Variants in COL4A4 observed in about 807,000 individuals in gnomAD.
The protein encoded by COL4A4 is collagen alpha-4(IV) chain.
A neutral mutation model predicts 192.9 loss-of-function variants in COL4A4; 105 were observed. That is an observed-to-expected ratio of 0.54 (90% CI 0.46 to 0.64). The LOEUF (loss-of-function observed/expected upper bound fraction) is 0.64. Among genes scored for constraint, COL4A4 ranks in the 30% least tolerant of loss-of-function variants. The pLI, the probability that COL4A4 is intolerant of heterozygous loss-of-function variation, is 0.00. For missense variants in COL4A4, 1,967 were observed against 2,169.3 expected (o/e 0.91, Z 1.85); for synonymous variants, 762 against 769.9 (o/e 0.99, Z 0.17).
chr2:227,010,667 A>G (rs1399900807), intron 45 of COL4A4, among the ~76,000 whole-genome samples, 166 bp from the exon 46 acceptor site: 1 of 152,248 alleles, frequency 6.6e-6, no homozygotes, highest in African/African-American at 2.4e-5. Context: ...CAGCTGCAGT[A>G]CATAGAACAA....
At chr2:227,027,638 A>T (rs1051473564) in intron 42 of COL4A4, among the ~76,000 whole-genome samples, 14 of 149,606 alleles carry the variant, frequency 9.4e-5, no homozygotes, top group East Asian at 5.8e-4. Context: ...TATAATAAAA[A>T]ATATATATAT....
chr2:227,031,361 A>T (rs1475537091), intron 40 of COL4A4, among the ~76,000 whole-genome samples: 1 of 152,150 alleles, frequency 6.6e-6, no homozygotes, highest in African/African-American at 2.4e-5. Flanking sequence ...ATTTAGCAAG[A>T]TATCACACGG....
Position 227,032,181 on chromosome 2 carries a change from G to T in COL4A4, c.3673C>A (p.Pro1225Thr), listed in dbSNP as rs1968572554. 1 of 1,614,048 alleles carries T rather than the reference G, an allele frequency of 6.2e-7. No individual in the cohort carries two copies. Among genetic ancestry groups the T allele is most frequent in the Admixed American group, 1.7e-5 (1 of 60,004 alleles). The stretch of plus-strand genomic sequence containing the variant: ...CCTGGGGGACCTTTCTTTCCACGAG[G>T]ACCTGGAGGAGAGATTCCTGGGCTC... ...PGSPGISPPG[P>T]RGKKGPPGPP... Residue 1225 changes from proline (P) to threonine (T), a missense_variant, in exon 39 of 48, where the codon CCT becomes ACT. Physicochemically the swap from Pro to Thr is conservative, Grantham distance 38. Transcript: ENST00000396625.
rs942249883 is a variant in COL4A4, at chr2:227,002,765, G to A, written c.*4560C>T. 5.9e-5 allele frequency: 9 copies of A among 152,610 alleles called. No individual in the cohort carries two copies. Among genetic ancestry groups the A allele is most frequent in the East Asian group, 1.9e-4 (1 of 5,206 alleles). 9.5% of individuals were successfully genotyped at this position (152,610 alleles called of 1,614,324 possible). On this transcript the variant is annotated 3_prime_UTR_variant, in exon 48 of 48. Transcript: ENST00000396625. ...TATATAATGAACCATATTATAAATC[G>A]TAATACAACAAATATTTAAGTGCCA... is the stretch of plus-strand genomic sequence containing the variant.
At chr2:227,036,966 T>C (rs543321041) in intron 37 of COL4A4, among the ~76,000 whole-genome samples, 24 of 152,330 alleles carry the variant, frequency 1.6e-4, no homozygotes, top group African/African-American at 5.3e-4. Context: ...GTTCTTGTCA[T>C]GCTACAGGTA....
At chr2:227,098,873 G>T in intron 18 of COL4A4, 75 bp from the exon 19 acceptor site, 1 of 1,188,988 alleles carries the variant, frequency 8.4e-7, no homozygotes, top group Non-Finnish European at 1.2e-6. Context: ...ATTACTTTTT[G>T]TGAGACTCAG....
rs1332780688 is a variant in COL4A4 at position 227,104,004 on chromosome 2, G to C, written c.784C>G (p.Pro262Ala). The C allele has an allele frequency of 6.2e-7, 1 of 1,613,268 alleles. No individual in the cohort carries two copies. The highest frequency in any genetic ancestry group is 1.3e-5 in the African/African-American group (1 of 74,796). ...CCTTTATAGAGACAAAAGTCAGGTG[G>C]CTCTACCAACAGGGTGGGTCCAGGA... is the stretch of plus-strand genomic sequence containing the variant. Reference protein sequence around the residue: ...GSPGPTLLVEPPDFCLYKGEK... With the variant: ...GSPGPTLLVEAPDFCLYKGEK... The change falls in exon 13 of 48, where the codon CCA becomes GCA. Residue 262 changes from proline to alanine, a missense_variant. By Grantham distance (27) the Pro-to-Ala change is conservative (BLOSUM62 -1). Transcript: ENST00000396625.
the COL4A4 span, chr2:226,988,522 T>C: frequency 6.7e-7 from 1 of 1,502,296 alleles, no homozygotes; most frequent in East Asian, 2.5e-5. Context: ...GGATAGCAGC[T>C]GCCCGCACTG....
At chr2:227,080,129 C>T (rs1306272859) in intron 24 of COL4A4, among the ~76,000 whole-genome samples, 1 of 152,158 alleles carries the variant, frequency 6.6e-6, no homozygotes, top group African/African-American at 2.4e-5. Flanking sequence ...CAACTGAATA[C>T]ACCTAAAATC....
rs1961305368 is a variant in COL4A4, at chr2:227,002,806, T to G, written c.*4519A>C. ...TTAAGTGCCAATGGCAGACCAGGCATCTTGCAAAAGTTACATGCTGAAAGT... is the reference window on the plus strand; with the variant it reads ...TTAAGTGCCAATGGCAGACCAGGCAGCTTGCAAAAGTTACATGCTGAAAGT... On this transcript the variant is annotated 3_prime_UTR_variant, in exon 48 of 48. Transcript: ENST00000396625. 6.6e-6 allele frequency: 1 copy of G among 152,640 alleles called. No homozygotes were observed. The highest frequency in any genetic ancestry group is 1.5e-5 in the Non-Finnish European group (1 of 68,044). The allele number at this position is 152,640 out of a possible 1,614,324, so 9.5% of individuals were successfully genotyped here. A position where few individuals can be genotyped will look rare whatever the true frequency, so the allele number is the denominator to read the frequency against.
intron 44 of COL4A4, among the ~76,000 whole-genome samples, chr2:227,014,069 G>A (rs569986613): frequency 1.2e-4 from 18 of 152,270 alleles, no homozygotes; most frequent in Admixed American, 3.9e-4. Context: ...GCCCCTCTGC[G>A]GCCCCAGGTG....
chr2:227,027,805 A>C (rs764274199), intron 42 of COL4A4, 97 bp downstream of exon 42: 2 of 893,616 alleles, frequency 2.2e-6, no homozygotes, highest in South Asian at 1.3e-5. Context: ...TTAAATAATA[A>C]GAATGTGCTA....
chr2:227,152,556 G>T (rs2064023396), intron 1 of COL4A4, among the ~76,000 whole-genome samples: 1 of 152,188 alleles, frequency 6.6e-6, no homozygotes, highest in Non-Finnish European at 1.5e-5. Context: ...CTGTTCTCCT[G>T]CCTAAGATGC....
intron 19 of COL4A4, among the ~76,000 whole-genome samples, chr2:227,095,637 G>A (rs79336724): frequency 0.021 from 3,220 of 152,270 alleles, 152 homozygotes; most frequent in East Asian, 0.2. Flanking sequence ...GCTCACACCC[G>A]TAATCCCAAT....
chr2:226,994,568 C>G, the COL4A4 span, among the ~76,000 whole-genome samples: 3 of 152,104 alleles, frequency 2.0e-5, no homozygotes, highest in East Asian at 1.9e-4. Flanking sequence ...AAAGGTACAG[C>G]CTTTTTGGTC....
At chr2:226,983,221 T>G in the COL4A4 span, among the ~76,000 whole-genome samples, 1 of 152,292 alleles carries the variant, frequency 6.6e-6, no homozygotes, top group Non-Finnish European at 1.5e-5. Context: ...GACATTGATC[T>G]GGAATCTTCC....
chr2:227,088,294 G>A (rs549987034), intron 22 of COL4A4, among the ~76,000 whole-genome samples: 14 of 152,134 alleles, frequency 9.2e-5, no homozygotes, highest in South Asian at 4.2e-4. Flanking sequence ...AATTGTAATC[G>A]CCATAATCCC....
At chr2:227,028,357 C>A (rs2149930734) in intron 41 of COL4A4, among the ~76,000 whole-genome samples, 1 of 152,298 alleles carries the variant, frequency 6.6e-6, no homozygotes, top group South Asian at 2.1e-4. Flanking sequence ...CGTGCCTCCC[C>A]AGGCGAGTTC....
Position 227,078,024 on chromosome 2 carries a change from G to C in COL4A4, c.1857C>G (p.Gly619=), listed in dbSNP as rs766619245. 1.5e-5 allele frequency: 24 copies of C among 1,613,846 alleles called. No homozygotes were observed. Among genetic ancestry groups the C allele is most frequent in the Middle Eastern group, 1.6e-4 (1 of 6,062 alleles). ...PGGKGFPGPL[G]PPGKAGPVGP... ...CCACAGGTCCTGCTTTGCCTGGGGG[G>C]CCCAGAGGTCCAGGAAATCCTTTAC... The change falls in exon 25 of 48, where the codon GGC becomes GGG. Residue 619 remains glycine, a synonymous_variant. Transcript: ENST00000396625.
Sources: allele counts gnomAD v4.1 joint callset (sites outside exome capture counted in the v4.1 genomes callset), GRCh38; gene constraint gnomAD v4.1.1; transcripts MANE v1.5; gene names NCBI Gene and HGNC (gene_info 2026-07-23, HGNC 2026-07-21).